ADGRE2: variants seen among roughly 807,000 people sequenced by gnomAD.
ADGRE2 encodes the protein CD97 antigen.
A neutral mutation model predicts 100.8 loss-of-function variants in ADGRE2; 83 were observed. That is an observed-to-expected ratio of 0.82 (90% CI 0.69 to 0.99). The LOEUF (loss-of-function observed/expected upper bound fraction) is 0.99, where lower values mean the gene tolerates loss of function less well. Ranked by LOEUF, ADGRE2 falls within the 50% of genes least tolerant of loss-of-function variation. The pLI is 0.00. For synonymous variants in ADGRE2, 355 were observed against 413.0 expected (o/e 0.86, Z 1.70); for missense variants, 814 against 1,035.7 (o/e 0.79, Z 2.94).
At chr19:14,770,164 G>A (rs1454776830) in intron 5 of ADGRE2, among the ~76,000 whole-genome samples, 1 of 152,136 alleles carries the variant, frequency 6.6e-6, no homozygotes, top group African/African-American at 2.4e-5. Context: ...GGTCCTGAGT[G>A]CAGATCCCTC....
At chr19:14,777,058 A>C in intron 1 of ADGRE2, 131 bp from the exon 2 acceptor site, 1 of 1,226,668 alleles carries the variant, frequency 8.2e-7, no homozygotes, top group Non-Finnish European at 1.0e-6. Context: ...TGCTTTAAAA[A>C]TCCCTCTGCT....
At chr19:14,762,458 G>T (rs1223948366) in intron 11 of ADGRE2, among the ~76,000 whole-genome samples, 1 of 152,028 alleles carries the variant, frequency 6.6e-6, no homozygotes, top group East Asian at 1.9e-4. Context: ...ACAGAAAGCA[G>T]ATTAGCGGCT....
intron 20 of ADGRE2, among the ~76,000 whole-genome samples, chr19:14,736,499 G>A (rs190442817): frequency 6.6e-6 from 1 of 151,912 alleles, no homozygotes; most frequent in East Asian, 1.9e-4. Context: ...GACCTCAGGT[G>A]ATCTGCCTGC....
chr19:14,756,129 C>A, intron 12 of ADGRE2, 109 bp downstream of exon 12: 2 of 935,036 alleles, frequency 2.1e-6, no homozygotes, highest in South Asian at 1.4e-5. Flanking sequence ...AGCCCCACTC[C>A]AAACATCCCA....
rs566734829 is a variant in ADGRE2, at chr19:14,773,231, G to A, written c.199+707C>T. Reference sequence around the variant, plus strand: ...TGAGCACGCAGCTTCTCTCTCTCCAGGAAGCCATGCCTATTCACTTCTTAC... The same window carrying A: ...TGAGCACGCAGCTTCTCTCTCTCCAAGAAGCCATGCCTATTCACTTCTTAC... On this transcript the variant is annotated intron_variant, in intron 4 of 20. Coordinates refer to ENST00000315576, the MANE Select transcript of ADGRE2 (RefSeq NM_013447.4). Among the ~76,000 whole-genome samples, 4 of 150,314 alleles carry A rather than the reference G, an allele frequency of 2.7e-5. No homozygotes were observed. The South Asian group carries it at 8.4e-4, about 32-fold the overall frequency.
chr19:14,778,110 A>ATT (rs1169454974), intron 1 of ADGRE2, 147 bp downstream of exon 1: 7 of 152,336 alleles, frequency 4.6e-5, no homozygotes, highest in African/African-American at 1.2e-4. Context: ...CATTCCCACC[A>ATT]ACAGTGTAAA....
intron 20 of ADGRE2, 129 bp downstream of exon 20, chr19:14,743,291 C>T: frequency 1.3e-6 from 1 of 743,558 alleles, no homozygotes; most frequent in Non-Finnish European, 2.4e-6. Context: ...GTTAATGAGT[C>T]AAGGCGTACT....
intron 15 of ADGRE2, 105 bp downstream of exon 15, chr19:14,752,224 C>A: frequency 7.1e-7 from 1 of 1,415,796 alleles, no homozygotes; most frequent in Admixed American, 2.0e-5. Flanking sequence ...TGAGCCACCA[C>A]GCCCAGCCGG....
chr19:14,755,844 C>T lies in ADGRE2; in HGVS notation c.1226G>A (p.Gly409Glu). 1 of 1,614,166 alleles carries T rather than the reference C, an allele frequency of 6.2e-7. No individual in the cohort carries two copies. Among genetic ancestry groups the T allele is most frequent in the African/African-American group, 1.3e-5 (1 of 75,050 alleles). ...GGCCTCAGCCAGCAACTTGCCCATC[C>T]CTGGAATGGAGACAAGGCCCACCAC... is the stretch of plus-strand genomic sequence containing the variant. Reference protein sequence around the residue: ...PSVVGLVSIPGMGKLLAEAPL... With the variant: ...PSVVGLVSIPEMGKLLAEAPL... Residue 409 changes from glycine (G) to glutamate (E), a missense_variant, in exon 13 of 21, where the codon GGG (glycine) becomes GAG (glutamate). Physicochemically the swap from Gly to Glu is moderately conservative, Grantham distance 98. This residue lies in a region of ADGRE2 where 569 missense variants were observed against 692.7 expected (regional missense o/e 0.82). Transcript: ENST00000315576.
rs752115546 is a variant in ADGRE2 at position 14,755,098 on chromosome 19, A to G, written c.1446T>C (p.Cys482=). Reference sequence around the variant, plus strand: ...CATTCTGGCCATGCTCCCAGAAGACACAGAGCACCTTCTGTCTCGGGATCA... The same window carrying G: ...CATTCTGGCCATGCTCCCAGAAGACGCAGAGCACCTTCTGTCTCGGGATCA... ...RSVIPRQKVL[C]VFWEHGQNGC... is the part of the protein sequence containing the mutation. Residue 482 remains cysteine, a synonymous_variant, in exon 14 of 21, where the codon TGT becomes TGC. Transcript: ENST00000315576. 6.2e-7 allele frequency: 1 copy of G among 1,614,018 alleles called. No homozygotes were observed. Among genetic ancestry groups the G allele is most frequent in the Non-Finnish European group, 8.5e-7 (1 of 1,179,994 alleles).
intron 2 of ADGRE2, among the ~76,000 whole-genome samples, chr19:14,775,303 C>T (rs889048598): frequency 2.6e-5 from 4 of 151,742 alleles, no homozygotes. Context: ...TCACGCCTGG[C>T]CAAAAAAATT....
intron 18 of ADGRE2, among the ~76,000 whole-genome samples, chr19:14,744,184 C>T (rs972794499): frequency 6.6e-6 from 1 of 150,948 alleles, no homozygotes; most frequent in Non-Finnish European, 1.5e-5. Context: ...GCGGAGGTTG[C>T]AGTGAGTCGA....
rs896508803 is a variant in ADGRE2 at position 14,735,104 on chromosome 19, C to T, written c.*1132G>A. On this transcript the variant is annotated 3_prime_UTR_variant, in exon 21 of 21. Coordinates refer to ENST00000315576, the MANE Select transcript of ADGRE2 (RefSeq NM_013447.4). ...AGCTTGCTTGTCTATGTCTGCAGCT[C>T]GATTTTACAGGCTGTTCTTTGTTAG... is the stretch of plus-strand genomic sequence containing the variant. 1.3e-5 allele frequency: 2 copies of T among 152,132 alleles called. No individual in the cohort carries two copies. The highest frequency in any genetic ancestry group is 6.5e-5 in the Admixed American group (1 of 15,270). The allele number at this position is 152,132 out of a possible 1,614,324, so 9.4% of individuals were successfully genotyped here.
rs556429118 is a variant in ADGRE2 at position 14,774,195 on chromosome 19, G to A, written c.82+61C>T. ...CTGGGCTGAAGGGGGCTGGGCGGGG[G>A]TCCAGGACCCTCCCCAGGCTCTGGC... is the stretch of plus-strand genomic sequence containing the variant. On this transcript the variant is annotated intron_variant, in intron 3 of 20. Transcript: ENST00000315576. 5.9e-6 allele frequency: 9 copies of A among 1,523,084 alleles called. No homozygotes were observed. In the South Asian group the frequency reaches 7.1e-5, roughly 12 times the overall value. The allele number at this position is 1,523,084 out of a possible 1,614,324, so 94.3% of individuals were successfully genotyped here.
At chr19:14,765,616 T>G in intron 8 of ADGRE2, 42 bp downstream of exon 8, 1 of 1,614,246 alleles carries the variant, frequency 6.2e-7, no homozygotes, top group Non-Finnish European at 8.5e-7. Context: ...AGCGTGTCAG[T>G]GTGTGTGCTG....
Position 14,743,616 on chromosome 19 carries a change from C to A in ADGRE2, c.2352G>T (p.Gln784His). 6.2e-7 allele frequency: 1 copy of A among 1,614,114 alleles called. No homozygotes were observed. The highest frequency in any genetic ancestry group is 8.5e-7 in the Non-Finnish European group (1 of 1,180,006). ...CTGGGTGGGAGCTGGGCAGTGGTAC[C>A]TGCTGGCTGAGGAGGCAGTACACCA... ...IFLVYCLLSQ[Q>H]VREQYGKWSK... Residue 784 changes from glutamine (Q) to histidine (H), a missense_variant and splice_region_variant, in exon 19 of 21, where the codon CAG becomes CAT. Physicochemically the swap from Gln to His is conservative, Grantham distance 24. Around this residue, in one of 5 missense-constraint regions of ADGRE2, gnomAD observed 569 missense variants for 692.7 expected, o/e 0.82. Coordinates refer to ENST00000315576, the MANE Select transcript of ADGRE2 (RefSeq NM_013447.4).
At chr19:14,737,310 C>T (rs945065995) in intron 20 of ADGRE2, among the ~76,000 whole-genome samples, 6 of 152,004 alleles carry the variant, frequency 3.9e-5, no homozygotes, top group African/African-American at 1.4e-4. Flanking sequence ...GCCTCAGCCT[C>T]CCGAGTAGCT....
At chr19:14,757,446 T>C (rs1404038809) in intron 11 of ADGRE2, among the ~76,000 whole-genome samples, 3 of 152,284 alleles carry the variant, frequency 2.0e-5, no homozygotes, top group South Asian at 4.1e-4. Context: ...AACAAGAAGG[T>C]TGGAGAATTC....
intron 12 of ADGRE2, 69 bp from the exon 13 acceptor site, chr19:14,755,946 G>T (rs777372590): frequency 2.2e-6 from 3 of 1,341,096 alleles, no homozygotes; most frequent in Non-Finnish European, 3.1e-6. Flanking sequence ...GAGTTCCTCT[G>T]CCCTGCACAG....
Sources: allele counts gnomAD v4.1 joint callset (sites outside exome capture counted in the v4.1 genomes callset), GRCh38; gene constraint gnomAD v4.1.1; regional missense constraint gnomAD v4.1.1; transcripts MANE v1.5; gene names NCBI Gene and HGNC (gene_info 2026-07-23, HGNC 2026-07-21).